Variants in MCTP1 observed in about 807,000 individuals in gnomAD.
MCTP1 encodes the protein multiple C2 and transmembrane domain-containing protein 1.
Under a neutral mutation model 120.6 loss-of-function variants are expected in MCTP1, and 69 were observed. That is an observed-to-expected ratio of 0.57 (90% CI 0.47 to 0.70). The LOEUF (loss-of-function observed/expected upper bound fraction) is 0.70, where lower values mean the gene tolerates loss of function less well. Among genes scored for constraint, MCTP1 ranks in the 30% least tolerant of loss-of-function variants. The probability of loss-of-function intolerance (pLI) is 0.00; values close to 1 mark genes in which losing one functional copy is unlikely to be tolerated. For synonymous variants in MCTP1, 529 were observed against 493.1 expected, an observed-to-expected ratio of 1.07 and a Z score of -0.96; for missense variants, 1,203 against 1,248.8, an observed-to-expected ratio of 0.96 and a Z score of 0.55.
intron 1 of MCTP1, among the ~76,000 whole-genome samples, chr5:95,177,252 G>A (rs552942043): frequency 4.2e-4 from 64 of 152,162 alleles, no homozygotes; most frequent in Non-Finnish European, 8.1e-4. Flanking sequence ...GAGATTTAAT[G>A]AGTCCAAAAT....
intron 10 of MCTP1, among the ~76,000 whole-genome samples, chr5:94,901,764 G>C (rs948423014): frequency 3.3e-5 from 5 of 152,122 alleles, no homozygotes; most frequent in Non-Finnish European, 5.9e-5. Context: ...TCCATCTGCT[G>C]TCTCTGAACC....
Position 95,263,346 on chromosome 5 carries a change from G to A in MCTP1, c.720+20510C>T, listed in dbSNP as rs116792180. ...TCAGCCAAGCTATGGATCAAAGCAAGTCTGTAGTTAGCATCTCATGCCTCC... is the reference window on the plus strand; with the variant it reads ...TCAGCCAAGCTATGGATCAAAGCAAATCTGTAGTTAGCATCTCATGCCTCC... On this transcript the variant is annotated intron_variant, in intron 1 of 22. Transcript: ENST00000515393. Among the ~76,000 whole-genome samples the A allele has an allele frequency of 6.8e-3, 1,036 of 152,282 alleles. 13 individuals carry two copies. The highest frequency in any genetic ancestry group is 0.023 in the African/African-American group (942 of 41,568).
In MCTP1 at chr5:95,052,114, T is replaced by C. The variant is rs888456652; in HGVS notation, c.721-34630A>G. Among the ~76,000 whole-genome samples the C allele has an allele frequency of 2.0e-5, 3 of 152,316 alleles. No individual in the cohort carries two copies. In the East Asian group the frequency reaches 5.8e-4, roughly 29 times the overall value. ...AAAGCAATTGCTTGTAATATTAAGATAAGTTTTATCTGAAATTTTGGGCAA... is the reference window on the plus strand; with the variant it reads ...AAAGCAATTGCTTGTAATATTAAGACAAGTTTTATCTGAAATTTTGGGCAA... On this transcript the variant is annotated intron_variant, in intron 1 of 22. Transcript: ENST00000515393.
Position 94,714,832 on chromosome 5 carries a change from C to T in MCTP1, c.2665G>A (p.Val889Ile), listed in dbSNP as rs568001779. ...NKIYAIQEVC[V>I]SVQNILDEVA... ...TCATCTAGGATGTTCTGGACACTGA[C>T]ACATACCTCCTGGATGGCATAGATT... Residue 889 changes from valine (V) to isoleucine (I), a missense_variant, in exon 20 of 23, where the codon GTC becomes ATC. By Grantham distance (29) the Val-to-Ile change is conservative. This residue lies in a region of MCTP1 where 740 missense variants were observed against 871.1 expected (regional missense o/e 0.85). Coordinates refer to ENST00000515393, the MANE Select transcript of MCTP1 (RefSeq NM_024717.7). 291 of 1,613,056 alleles carry T rather than the reference C, an allele frequency of 1.8e-4. 2 individuals are homozygous for T. The South Asian group carries it at 2.9e-3, about 16-fold the overall frequency.
intron 1 of MCTP1, among the ~76,000 whole-genome samples, chr5:95,203,294 A>G (rs1198879169): frequency 6.6e-6 from 1 of 152,140 alleles, no homozygotes; most frequent in Non-Finnish European, 1.5e-5. Context: ...TTCCTGTGCT[A>G]TGTTTCTATA....
At chr5:94,794,013 A>G (rs573686685) in intron 18 of MCTP1, among the ~76,000 whole-genome samples, 1 of 152,350 alleles carries the variant, frequency 6.6e-6, no homozygotes, top group South Asian at 2.1e-4. Context: ...TGTCATGAGA[A>G]GGAGCTAACT....
chr5:95,251,731 A>T (rs1333498933), intron 1 of MCTP1, among the ~76,000 whole-genome samples: 2 of 152,152 alleles, frequency 1.3e-5, no homozygotes, highest in Non-Finnish European at 2.9e-5. Context: ...GCTTACTATT[A>T]TAGTACCTGG....
chr5:94,756,575 C>T (rs1406267310), intron 19 of MCTP1, among the ~76,000 whole-genome samples: 1 of 152,100 alleles, frequency 6.6e-6, no homozygotes, highest in African/African-American at 2.4e-5. Context: ...GCCGAAACTC[C>T]CTTTTTCTAC....
In MCTP1 at chr5:94,707,443, T is replaced by C; in HGVS notation, c.*53A>G. 7.1e-7 allele frequency: 1 copy of C among 1,401,748 alleles called. No individual in the cohort carries two copies. Among genetic ancestry groups the C allele is most frequent in the Non-Finnish European group, 1.0e-6 (1 of 1,004,032 alleles). The allele number at this position is 1,401,748 out of a possible 1,614,324, so 86.8% of individuals were successfully genotyped here. On this transcript the variant is annotated 3_prime_UTR_variant, in exon 23 of 23. Coordinates refer to ENST00000515393, the MANE Select transcript of MCTP1 (RefSeq NM_024717.7). ...AGGAAATGCTGCTGAGGCTGAGGGC[T>C]TTTTCTTTTATCTTCCCAAACAGAT... is the stretch of plus-strand genomic sequence containing the variant.
intron 17 of MCTP1, among the ~76,000 whole-genome samples, chr5:94,857,300 C>G (rs1437681671): frequency 6.6e-6 from 1 of 151,684 alleles, no homozygotes; most frequent in Non-Finnish European, 1.5e-5. Context: ...GCAGAACAGC[C>G]TGAGTTTATT....
chr5:95,247,405 T>C (rs1371454351), intron 1 of MCTP1, among the ~76,000 whole-genome samples: 2 of 152,224 alleles, frequency 1.3e-5, no homozygotes, highest in Non-Finnish European at 2.9e-5. Flanking sequence ...AGTTCTGCTC[T>C]GATCTTAGTT....
At chr5:94,724,612 C>T (rs1485532779) in intron 19 of MCTP1, among the ~76,000 whole-genome samples, 1 of 152,038 alleles carries the variant, frequency 6.6e-6, no homozygotes, top group Non-Finnish European at 1.5e-5. Context: ...TTGCATCCAT[C>T]GATTTGACCA....
intron 1 of MCTP1, among the ~76,000 whole-genome samples, chr5:95,130,832 G>A (rs1758989117): frequency 6.6e-6 from 1 of 152,124 alleles, no homozygotes; most frequent in African/African-American, 2.4e-5. Context: ...CTGAAGTGCT[G>A]GGGGTTAGGA....
At chr5:95,186,186 T>C (rs748463212) in intron 1 of MCTP1, among the ~76,000 whole-genome samples, 1 of 149,888 alleles carries the variant, frequency 6.7e-6, no homozygotes, top group Non-Finnish European at 1.5e-5. Context: ...ATATTCAGAC[T>C]GGGAAAGAAG....
At chr5:94,830,745 G>A (rs371517834) in intron 17 of MCTP1, among the ~76,000 whole-genome samples, 6 of 152,130 alleles carry the variant, frequency 3.9e-5, no homozygotes, top group Admixed American at 2.6e-4. Flanking sequence ...TCACGGTCAC[G>A]CTCTTCTCAG....
intron 18 of MCTP1, among the ~76,000 whole-genome samples, chr5:94,786,701 A>C (rs1227885615): frequency 6.6e-6 from 1 of 152,188 alleles, no homozygotes; most frequent in East Asian, 1.9e-4. Context: ...TGTATAATGC[A>C]TTTATAATAT....
chr5:94,973,343 A>G (rs1452385147), intron 2 of MCTP1, among the ~76,000 whole-genome samples: 1 of 152,170 alleles, frequency 6.6e-6, no homozygotes, highest in East Asian at 1.9e-4. Flanking sequence ...CCCTTCCATA[A>G]TCTATCTCCT....
At chr5:94,762,384 C>G (rs1771563958) in intron 19 of MCTP1, among the ~76,000 whole-genome samples, 1 of 152,206 alleles carries the variant, frequency 6.6e-6, no homozygotes, top group South Asian at 2.1e-4. Flanking sequence ...ATGCCTTTCC[C>G]TCTGAACCAA....
intron 4 of MCTP1, among the ~76,000 whole-genome samples, chr5:94,941,405 T>C (rs1344427020): frequency 4.6e-5 from 7 of 152,062 alleles, no homozygotes; most frequent in Admixed American, 1.3e-4. Context: ...GAGGCAACAA[T>C]GACTATTGGA....
Sources: gnomAD v4.1 joint callset for allele counts (sites outside exome capture counted in the v4.1 genomes callset) on GRCh38, gnomAD v4.1.1 for gene constraint, gnomAD v4.1.1 regional missense constraint, MANE v1.5 for transcripts, NCBI Gene and HGNC (gene_info 2026-07-23, HGNC 2026-07-21) for gene names.